TCTN3: variants seen among roughly 807,000 people sequenced by gnomAD.
The protein encoded by TCTN3 is tectonic-3.
TCTN3 carries 57 observed loss-of-function variants against 71.3 expected under a neutral mutation model. The ratio of observed to expected loss-of-function variants is 0.80; its 90% CI spans 0.65 to 1.00. The LOEUF (loss-of-function observed/expected upper bound fraction) is 1.00. Among genes scored for constraint, TCTN3 ranks in the 50% least tolerant of loss-of-function variants. The pLI is 0.00. For synonymous variants in TCTN3, 258 were observed against 267.8 expected (o/e 0.96, Z 0.36); for missense variants, 696 against 719.9 (o/e 0.97, Z 0.38).
chr10:95,679,583 C>CTTTT lies in TCTN3; in HGVS notation c.1590+885_1590+888dup, dbSNP rs201828119. 1.5e-4 allele frequency among the ~76,000 whole-genome samples: 14 copies of CTTTT among 96,444 alleles called. 1 individual carries two copies. Among genetic ancestry groups the CTTTT allele is most frequent in the African/African-American group, 2.5e-4 (7 of 27,962 alleles). The allele number at this position is 96,444 out of a possible 152,430, so 63.3% of individuals were successfully genotyped here. ...TAATTTCACTAGGACCTAGTCATTT[C>CTTTT]TTTTTTTTTTTTTTTTTTTTTTTTT... On this transcript the variant is annotated intron_variant, in intron 13 of 13. Coordinates refer to ENST00000371217, the MANE Select transcript of TCTN3 (RefSeq NM_015631.6).
At chr10:95,686,431 ATT>A in intron 7 of TCTN3, 62 bp downstream of exon 7, 1 of 1,527,400 alleles carries the variant, frequency 6.5e-7, no homozygotes, top group Non-Finnish European at 9.1e-7. Flanking sequence ...TTAGACTAAA[ATT>A]GCCTCAGATG....
Position 95,663,886 on chromosome 10 carries a change from TA to T in TCTN3, c.*180del. 1.7e-6 allele frequency: 1 copy of T among 592,744 alleles called. No homozygotes were observed. Among genetic ancestry groups the T allele is most frequent in the Non-Finnish European group, 3.0e-6 (1 of 336,364 alleles). The allele number at this position is 592,744 out of a possible 1,614,324, so 36.7% of individuals were successfully genotyped here. The stretch of plus-strand genomic sequence containing the variant: ...GCCCAAAGCAGAGAGCTATGATGAA[TA>T]AAATATTTTTATTGCTTTTCTAAAA... On this transcript the variant is annotated 3_prime_UTR_variant, in exon 14 of 14. Transcript: ENST00000371217.
rs930565596 is a variant in TCTN3, at chr10:95,663,865, A to G, written c.*202T>C. 8.6e-5 allele frequency: 45 copies of G among 525,520 alleles called. No homozygotes were observed. Among genetic ancestry groups the G allele is most frequent in the Middle Eastern group, 5.1e-4 (1 of 1,956 alleles). The allele number at this position is 525,520 out of a possible 1,614,324, so 32.6% of individuals were successfully genotyped here. A position where few individuals can be genotyped will look rare whatever the true frequency, so the allele number is the denominator to read the frequency against. On this transcript the variant is annotated 3_prime_UTR_variant, in exon 14 of 14. Coordinates refer to ENST00000371217, the MANE Select transcript of TCTN3 (RefSeq NM_015631.6). ...GTGTATCTGGTGGCCTGCAGAGCCCAAAGCAGAGAGCTATGATGAATAAAA... is the reference window on the plus strand; with the variant it reads ...GTGTATCTGGTGGCCTGCAGAGCCCGAAGCAGAGAGCTATGATGAATAAAA...
chr10:95,680,756 A>ATAACATAGTCTTATTGT, intron 12 of TCTN3, 147 bp from the exon 13 acceptor site: 2 of 874,388 alleles, frequency 2.3e-6, no homozygotes, highest in Non-Finnish European at 3.3e-6. Context: ...GTTCACAATA[A>ATAACATAGTCTTATTGT]GACTATGTTA....
intron 10 of TCTN3, 117 bp downstream of exon 10, chr10:95,683,405 T>C (rs2097945037): frequency 1.3e-6 from 2 of 1,563,566 alleles, no homozygotes; most frequent in Non-Finnish European, 1.7e-6. Context: ...AGTATATAAG[T>C]ACCTCATTAT....
chr10:95,677,911 G>C (rs1436233797), intron 13 of TCTN3, among the ~76,000 whole-genome samples: 1 of 152,152 alleles, frequency 6.6e-6, no homozygotes, highest in Non-Finnish European at 1.5e-5. Context: ...GGAAATTCTT[G>C]ATTCTTAAAT....
chr10:95,678,258 G>A lies in TCTN3; in HGVS notation c.1590+2214C>T, dbSNP rs540222939. ...AAAAAAATTTCACAAGAGGCTGGGC[G>A]TGGTGGCTCACACCTGTAATCCCAG... On this transcript the variant is annotated intron_variant, in intron 13 of 13. Transcript: ENST00000371217. 4.6e-5 allele frequency among the ~76,000 whole-genome samples: 7 copies of A among 152,280 alleles called. No individual in the cohort carries two copies. The East Asian group carries it at 9.6e-4, about 21-fold the overall frequency.
rs1006971730 is a variant in TCTN3, at chr10:95,693,864, G to C, written c.36C>G (p.Phe12Leu). Residue 12 changes from phenylalanine (F) to leucine (L), a missense_variant, in exon 1 of 14, where the codon TTC (phenylalanine) becomes TTG (leucine). Phe to Leu is a conservative substitution (Grantham distance 22). Transcript: ENST00000371217. ...GGACGCCATCGGGGAACACCAGAAA[G>C]AACACTTGCAGGAGCGCGAGCTGTG... The part of the protein sequence containing the change: ...RTPQLALLQV[F>L]FLVFPDGVRP... The C allele has an allele frequency of 7.7e-6, 12 of 1,551,594 alleles. No individual in the cohort carries two copies. Among genetic ancestry groups the C allele is most frequent in the Admixed American group, 3.9e-5 (2 of 50,992 alleles).
At chr10:95,682,921 T>A (rs1029258944) in intron 11 of TCTN3, 117 bp from the exon 12 acceptor site, 22 of 1,384,640 alleles carry the variant, frequency 1.6e-5, no homozygotes, top group Middle Eastern at 4.2e-4. Context: ...GAGGGTATAA[T>A]CCTTAGTAGG....
intron 3 of TCTN3, among the ~76,000 whole-genome samples, chr10:95,688,942 A>G (rs2097951205): frequency 6.6e-6 from 1 of 152,206 alleles, no homozygotes. Flanking sequence ...GCCCCTTGCC[A>G]GTTTCATTCT....
chr10:95,693,685 G>A lies in TCTN3; in HGVS notation c.215C>T (p.Thr72Ile), dbSNP rs756010338. 1.3e-6 allele frequency: 2 copies of A among 1,551,608 alleles called. No homozygotes were observed. Among genetic ancestry groups the A allele is most frequent in the African/African-American group, 1.4e-5 (1 of 73,056 alleles). Residue 72 changes from threonine to isoleucine, a missense_variant, in exon 1 of 14, where the codon ACT (threonine) becomes ATT (isoleucine). Coordinates refer to ENST00000371217, the MANE Select transcript of TCTN3 (RefSeq NM_015631.6). ...GLPTVVPTLV[T>I]PSAPGNRTVD... ...AGTCCTATTCCCAGGGGCCGAGGGAGTCACGAGAGTAGGGACCACTGTAGG... is the reference window on the plus strand; with the variant it reads ...AGTCCTATTCCCAGGGGCCGAGGGAATCACGAGAGTAGGGACCACTGTAGG...
rs750945038 is a variant in TCTN3 at position 95,687,242 on chromosome 10, T to C, written c.736+5A>G. On this transcript the variant is annotated splice_donor_5th_base_variant and intron_variant, in intron 5 of 13. Transcript: ENST00000371217. ...AAAAGGTTGGTACTTTTGCTCTGGA[T>C]TCACCTGCAGGATTGCTTTCAGCAC... 1.9e-5 allele frequency: 31 copies of C among 1,613,682 alleles called. No individual in the cohort carries two copies. The South Asian group carries it at 3.3e-4, about 17-fold the overall frequency.
intron 13 of TCTN3, among the ~76,000 whole-genome samples, chr10:95,671,564 A>C (rs961866755): frequency 6.6e-6 from 1 of 152,252 alleles, no homozygotes; most frequent in African/African-American, 2.4e-5. Flanking sequence ...AAAACTATTA[A>C]AGAAAAAATT....
rs10654251 is a variant in TCTN3 at position 95,677,474 on chromosome 10, G to GTTTTTTTTTTTTT, written c.1590+2997_1590+2998insAAAAAAAAAAAAA. On this transcript the variant is annotated intron_variant, in intron 13 of 13. Coordinates refer to ENST00000371217, the MANE Select transcript of TCTN3 (RefSeq NM_015631.6). ...ATACAAGAAGATAGTGAAGTCTACA[G>GTTTTTTTTTTTTT]TTTTTTTTGTTTTTTTTTTTTTTTT... Among the ~76,000 whole-genome samples, 305 of 80,600 alleles carry GTTTTTTTTTTTTT rather than the reference G, an allele frequency of 3.8e-3. 44 individuals carry two copies. The highest frequency in any genetic ancestry group is 5.7e-3 in the Middle Eastern group (1 of 176). The allele number at this position is 80,600 out of a possible 152,430, so 52.9% of individuals were successfully genotyped here.
Position 95,680,476 on chromosome 10 carries a change from A to G in TCTN3, c.1586T>C (p.Ile529Thr). ...GVRFLYQCQS[I>T]QDSQQVTEVS... The stretch of plus-strand genomic sequence containing the variant: ...CCTTTATGAGCCATGACTTACCTGT[A>G]TAGACTGGCACTGGTATAGGAATCG... The change falls in exon 13 of 14, where the codon ATA becomes ACA. Residue 529 changes from isoleucine (I) to threonine (T), a missense_variant. By Grantham distance (89) the Ile-to-Thr change is moderately conservative. Coordinates refer to ENST00000371217, the MANE Select transcript of TCTN3 (RefSeq NM_015631.6). 6.2e-7 allele frequency: 1 copy of G among 1,613,762 alleles called. No individual in the cohort carries two copies. The highest frequency in any genetic ancestry group is 8.5e-7 in the Non-Finnish European group (1 of 1,179,828).
At chr10:95,693,066 T>C (rs754902271) in intron 2 of TCTN3, 28 bp from the exon 3 acceptor site, 106 of 1,546,670 alleles carry the variant, frequency 6.9e-5, no homozygotes, top group Admixed American at 1.8e-5. Flanking sequence ...GGAGAAGATA[T>C]ATTTAGAAGG....
At position 95,693,382 on chromosome 10, in the gene TCTN3, A is replaced by C; in HGVS notation, c.351T>G (p.Val117=). 3 of 1,551,902 alleles carry C rather than the reference A, an allele frequency of 1.9e-6. No individual in the cohort carries two copies. The highest frequency in any genetic ancestry group is 2.6e-6 in the Non-Finnish European group (3 of 1,147,020). The change falls in exon 2 of 14, where the codon GTT becomes GTG. Residue 117 remains valine (V), a synonymous_variant. Coordinates refer to ENST00000371217, the MANE Select transcript of TCTN3 (RefSeq NM_015631.6). ...RDCYLLHPRT[V]FSFCLPGSVR... ...CGCTGCCTGGAAGGCAGAAGGAGAA[A>C]ACTGTCCTCGGATGGAGAAGATAGC... is the stretch of plus-strand genomic sequence containing the variant.
chr10:95,683,233 GA>G (rs760333132), intron 10 of TCTN3, 38 bp from the exon 11 acceptor site: 44 of 1,547,158 alleles, frequency 2.8e-5, no homozygotes, highest in Admixed American at 5.6e-5. Flanking sequence ...CATCATAACA[GA>G]AAAAAAAAGG....
rs545057477 is a variant in TCTN3 at position 95,672,371 on chromosome 10, C to T, written c.1591-8071G>A. 5.3e-5 allele frequency among the ~76,000 whole-genome samples: 8 copies of T among 152,222 alleles called. No homozygotes were observed. In the South Asian group the frequency reaches 1.7e-3, roughly 32 times the overall value. The stretch of plus-strand genomic sequence containing the variant: ...AATAGGGCTGTTATAAACTTCCTTG[C>T]ACAAGCCTTTTTTGGGGCATATGTT... On this transcript the variant is annotated intron_variant, in intron 13 of 13. Coordinates refer to ENST00000371217, the MANE Select transcript of TCTN3 (RefSeq NM_015631.6).
Sources: allele counts gnomAD v4.1 joint callset (sites outside exome capture counted in the v4.1 genomes callset), GRCh38; gene constraint gnomAD v4.1.1; transcripts MANE v1.5; gene names NCBI Gene and HGNC (gene_info 2026-07-23, HGNC 2026-07-21).